The following PHC3 variants were observed in gnomAD, a reference collection of about 807,000 sequenced individuals.
PHC3 encodes polyhomeotic homolog 3, also known as polyhomeotic-like protein 3.
In PHC3, 13 loss-of-function variants were observed where a neutral mutation model predicts 107.4. The observed-to-expected ratio is 0.12, with a 90% confidence interval of 0.08 to 0.19. PHC3 has a LOEUF of 0.19. Ranked by LOEUF, PHC3 falls within the 10% of genes least tolerant of loss-of-function variation. PHC3 has a pLI of 1.00. For synonymous variants in PHC3, 456 were observed against 427.4 expected, an observed-to-expected ratio of 1.07 and a Z score of -0.83; for missense variants, 992 against 1,210.9, an observed-to-expected ratio of 0.82 and a Z score of 2.68.
At chr3:170,168,441 G>A (rs192310892) in intron 4 of PHC3, among the ~76,000 whole-genome samples, 6 of 152,158 alleles carry the variant, frequency 3.9e-5, no homozygotes, top group African/African-American at 1.2e-4. Context: ...GGCTCAGTCC[G>A]AATTAGTTTT....
In PHC3 at chr3:170,091,289, A is replaced by G. The variant is rs1714067591; in HGVS notation, c.*5941T>C. ...GCCATGTTAGTATAACAGTGTTTTCAAATTATGTTGTTTTCAAAACTGAAA... is the reference window on the plus strand; with the variant it reads ...GCCATGTTAGTATAACAGTGTTTTCGAATTATGTTGTTTTCAAAACTGAAA... On this transcript the variant is annotated 3_prime_UTR_variant, in exon 15 of 15. Transcript: ENST00000495893. 1 of 152,226 alleles carries G rather than the reference A, an allele frequency of 6.6e-6. No homozygotes were observed. Among genetic ancestry groups the G allele is most frequent in the African/African-American group, 2.4e-5 (1 of 41,454 alleles). The allele number at this position is 152,226 out of a possible 1,614,324, so 9.4% of individuals were successfully genotyped here. A position where few individuals can be genotyped will look rare whatever the true frequency, so the allele number is the denominator to read the frequency against.
intron 6 of PHC3, among the ~76,000 whole-genome samples, chr3:170,137,836 G>A (rs1388156859): frequency 6.6e-6 from 1 of 152,072 alleles, no homozygotes; most frequent in Non-Finnish European, 1.5e-5. Flanking sequence ...GAGGCAAAGG[G>A]TGCAGTGAGC....
rs536784492 is a variant in PHC3, at chr3:170,154,849, C to T, written c.415-5605G>A. ...CTCCCTAGCTAGCCTAACTAAAAAA[C>T]TGTCCTTCCTTTCCACAACTGATAA... is the stretch of plus-strand genomic sequence containing the variant. On this transcript the variant is annotated intron_variant, in intron 4 of 14. Transcript: ENST00000495893. Among the ~76,000 whole-genome samples, 180 of 152,350 alleles carry T rather than the reference C, an allele frequency of 1.2e-3. 1 individual carries two copies. The highest frequency in any genetic ancestry group is 3.8e-3 in the Admixed American group (58 of 15,298).
At chr3:170,137,515 G>A (rs958241535) in intron 6 of PHC3, among the ~76,000 whole-genome samples, 2 of 152,174 alleles carry the variant, frequency 1.3e-5, no homozygotes, top group African/African-American at 4.8e-5. Context: ...GGCCCTGGGA[G>A]AGAAACTGAA....
At chr3:170,161,163 A>G (rs1577219135) in intron 4 of PHC3, among the ~76,000 whole-genome samples, 1 of 152,256 alleles carries the variant, frequency 6.6e-6, no homozygotes, top group African/African-American at 2.4e-5. Context: ...ACATAATCCT[A>G]GATTAACATC....
At chr3:170,180,670 G>A (rs1052063087) in intron 1 of PHC3, among the ~76,000 whole-genome samples, 1 of 149,728 alleles carries the variant, frequency 6.7e-6, no homozygotes, top group Non-Finnish European at 1.5e-5. Flanking sequence ...ACTTTTTACC[G>A]AACTGCTGCC....
intron 4 of PHC3, among the ~76,000 whole-genome samples, chr3:170,167,468 G>C (rs1043474752): frequency 2.4e-4 from 36 of 152,176 alleles, no homozygotes; most frequent in Non-Finnish European, 4.4e-4. Flanking sequence ...GTGTTTAAAA[G>C]TCAAAACATA....
rs776705766 is a variant in PHC3 at position 170,106,821 on chromosome 3, C to T, written c.2468+11G>A. ...ATCTGTCCTTTGGGAAATTCAAGAG[C>T]ACAGAAATACCTTTTGGCACATGAC... On this transcript the variant is annotated intron_variant, in intron 12 of 14. Transcript: ENST00000495893. 14 of 1,590,214 alleles carry T rather than the reference C, an allele frequency of 8.8e-6. No individual in the cohort carries two copies. The highest frequency in any genetic ancestry group is 1.4e-5 in the African/African-American group (1 of 73,894).
chr3:170,130,546 C>T (rs1722080936), intron 7 of PHC3, among the ~76,000 whole-genome samples: 1 of 152,088 alleles, frequency 6.6e-6, no homozygotes, highest in Non-Finnish European at 1.5e-5. Context: ...TAGGAAAACA[C>T]TAGTTTTGCT....
At chr3:170,156,344 C>T (rs1726894609) in intron 4 of PHC3, among the ~76,000 whole-genome samples, 1 of 152,148 alleles carries the variant, frequency 6.6e-6, no homozygotes, top group African/African-American at 2.4e-5. Flanking sequence ...GCAACCTCCG[C>T]CTCCTGGGTT....
chr3:170,147,951 T>G (rs1725269123), intron 5 of PHC3: 2 of 152,124 alleles, frequency 1.3e-5, no homozygotes, highest in African/African-American at 4.8e-5. Flanking sequence ...GTTAAATGAT[T>G]GGAAACTTTG....
chr3:170,171,568 T>C, intron 3 of PHC3, 118 bp from the exon 4 acceptor site: 1 of 669,470 alleles, frequency 1.5e-6, no homozygotes, highest in Non-Finnish European at 2.5e-6. Context: ...ATGAAACAAC[T>C]AATTTTATAG....
intron 7 of PHC3, among the ~76,000 whole-genome samples, chr3:170,130,026 GAA>G (rs1330729287): frequency 6.6e-6 from 1 of 152,096 alleles, no homozygotes; most frequent in Non-Finnish European, 1.5e-5. Flanking sequence ...TTTATAGTTG[GAA>G]AACTAGAAAA....
At chr3:170,167,590 T>C (rs936015349) in intron 4 of PHC3, among the ~76,000 whole-genome samples, 2 of 151,900 alleles carry the variant, frequency 1.3e-5, no homozygotes, top group African/African-American at 4.8e-5. Context: ...CAAAACCCCA[T>C]CTCTGCTTAA....
Position 170,091,331 on chromosome 3 carries a change from C to CT in PHC3, c.*5898dup, listed in dbSNP as rs1420792596. The CT allele has an allele frequency of 6.6e-6, 1 of 152,094 alleles. No individual in the cohort carries two copies. The highest frequency in any genetic ancestry group is 6.6e-5 in the Admixed American group (1 of 15,260). The allele number at this position is 152,094 out of a possible 1,614,324, so 9.4% of individuals were successfully genotyped here. ...AAACTGAAATTCATTCATTACTCTG[C>CT]TTTTTTTAAACAACAAATTTTGTTT... On this transcript the variant is annotated 3_prime_UTR_variant, in exon 15 of 15. Transcript: ENST00000495893.
chr3:170,116,908 C>G (rs1347913849), intron 10 of PHC3, among the ~76,000 whole-genome samples: 3 of 21,162 alleles, frequency 1.4e-4, no homozygotes, highest in Admixed American at 6.1e-4. Flanking sequence ...AAGATCCTGT[C>G]TAAAAAAAAA....
chr3:170,173,611 ATTAATT>A (rs1442619276), intron 2 of PHC3, among the ~76,000 whole-genome samples: 2 of 152,216 alleles, frequency 1.3e-5, no homozygotes, highest in African/African-American at 2.4e-5. Context: ...TTGAATTTTA[ATTAATT>A]TTAATTTTAA....
chr3:170,145,662 A>G (rs1038116256), intron 5 of PHC3, 141 bp from the exon 6 acceptor site: 8 of 484,792 alleles, frequency 1.7e-5, no homozygotes, highest in African/African-American at 5.8e-5. Context: ...AAGGTTCTAC[A>G]TGACAAAGAG....
At chr3:170,119,036 T>TAAAAAAAAAAAA (rs1002478959) in intron 9 of PHC3, among the ~76,000 whole-genome samples, 144 of 72,200 alleles carry the variant, frequency 2.0e-3, no homozygotes, top group Middle Eastern at 0.011. Context: ...TATAAAAAGC[T>TAAAAAAAAAAAA]AAAAAAAAAA....
Sources: gnomAD v4.1 joint callset for allele counts (sites outside exome capture counted in the v4.1 genomes callset) on GRCh38, gnomAD v4.1.1 for gene constraint, MANE v1.5 for transcripts, NCBI Gene and HGNC (gene_info 2026-07-23, HGNC 2026-07-21) for gene names.